GLIPR1L2: variants seen among roughly 807,000 people sequenced by gnomAD.
GLIPR1L2 encodes the protein GLIPR1 like 2.
In GLIPR1L2, 21 loss-of-function variants were observed where a neutral mutation model predicts 28.4. The ratio of observed to expected loss-of-function variants is 0.74; its 90% CI spans 0.52 to 1.06. The LOEUF (loss-of-function observed/expected upper bound fraction) is 1.06, where lower values mean the gene tolerates loss of function less well. Ranked by LOEUF, GLIPR1L2 falls within the 50% of genes least tolerant of loss-of-function variation. The pLI, the probability that GLIPR1L2 is intolerant of heterozygous loss-of-function variation, is 0.00. For missense variants in GLIPR1L2, 476 were observed against 416.9 expected (o/e 1.14, Z -1.23); for synonymous variants, 145 against 139.3 (o/e 1.04, Z -0.29).
chr12:75,396,672 C>G (rs912977772), intron 1 of GLIPR1L2, among the ~76,000 whole-genome samples: 1 of 152,182 alleles, frequency 6.6e-6, no homozygotes, highest in African/African-American at 2.4e-5. Context: ...CCAGCAACAA[C>G]AGAATCACCT....
At chr12:75,405,315 T>G (rs1003439900) in intron 1 of GLIPR1L2, among the ~76,000 whole-genome samples, 46 of 152,314 alleles carry the variant, frequency 3.0e-4, no homozygotes, top group African/African-American at 1.1e-3. Flanking sequence ...CTACTGTTAC[T>G]GCTTGAGACC....
At chr12:75,408,917 A>G (rs1465010987) in intron 1 of GLIPR1L2, among the ~76,000 whole-genome samples, 1 of 152,004 alleles carries the variant, frequency 6.6e-6, no homozygotes, top group African/African-American at 2.4e-5. Context: ...TGGTTACCTT[A>G]GGGGAAGGGA....
At chr12:75,420,693 C>A (rs1290168743) in intron 3 of GLIPR1L2, among the ~76,000 whole-genome samples, 2 of 152,130 alleles carry the variant, frequency 1.3e-5, no homozygotes, top group African/African-American at 4.8e-5. Context: ...CCTAATCTGG[C>A]CCAATAATTC....
intron 3 of GLIPR1L2, among the ~76,000 whole-genome samples, chr12:75,421,663 T>G (rs184464440): frequency 6.6e-6 from 1 of 152,348 alleles, no homozygotes; most frequent in Admixed American, 6.5e-5. Context: ...ATTTCCCAAT[T>G]TAAAAGTACT....
At chr12:75,393,439 T>G (rs1051410163) in intron 1 of GLIPR1L2, among the ~76,000 whole-genome samples, 1 of 152,080 alleles carries the variant, frequency 6.6e-6, no homozygotes, top group African/African-American at 2.4e-5. Flanking sequence ...CCATTCTACT[T>G]TCTATTCCTA....
At chr12:75,423,256 C>T in intron 4 of GLIPR1L2, 1 of 1,263,848 alleles carries the variant, frequency 7.9e-7, no homozygotes. Context: ...CAGTTATACC[C>T]TTAAAAAGCT....
chr12:75,412,621 A>G (rs1270071133), intron 2 of GLIPR1L2, among the ~76,000 whole-genome samples: 16 of 152,190 alleles, frequency 1.1e-4, no homozygotes, highest in Admixed American at 7.2e-4. Flanking sequence ...CCGTCAGAGA[A>G]ATGCAAATCA....
chr12:75,417,644 A>G (rs2045936124), intron 3 of GLIPR1L2, among the ~76,000 whole-genome samples: 1 of 152,164 alleles, frequency 6.6e-6, no homozygotes, highest in African/African-American at 2.4e-5. Flanking sequence ...TGGCATATAA[A>G]TCTACAAATT....
At chr12:75,402,412 A>G (rs1331975095) in intron 1 of GLIPR1L2, among the ~76,000 whole-genome samples, 1 of 152,236 alleles carries the variant, frequency 6.6e-6, no homozygotes, top group East Asian at 1.9e-4. Flanking sequence ...GAAATCTAGA[A>G]TAACAAATCT....
At chr12:75,401,126 A>G (rs2045736619) in intron 1 of GLIPR1L2, among the ~76,000 whole-genome samples, 2 of 151,874 alleles carry the variant, frequency 1.3e-5, no homozygotes, top group Non-Finnish European at 1.5e-5. Context: ...CTGTAATATA[A>G]GGAGGGAAAA....
intron 1 of GLIPR1L2, chr12:75,403,249 AT>A: frequency 2.6e-6 from 1 of 385,286 alleles, no homozygotes; most frequent in South Asian, 1.9e-5. Flanking sequence ...CTGAAGCTGG[AT>A]TACAGTTTTA....
chr12:75,412,269 C>G (rs930290962), intron 2 of GLIPR1L2, among the ~76,000 whole-genome samples: 2 of 151,960 alleles, frequency 1.3e-5, no homozygotes, highest in Non-Finnish European at 2.9e-5. Context: ...TCAGGCATGA[C>G]GTCCTTTGGC....
At chr12:75,423,063 T>C in intron 4 of GLIPR1L2, 74 bp downstream of exon 4, 1 of 1,602,870 alleles carries the variant, frequency 6.2e-7, no homozygotes, top group African/African-American at 1.3e-5. Flanking sequence ...TGAACACTAG[T>C]TTTTTATGGT....
intron 3 of GLIPR1L2, among the ~76,000 whole-genome samples, chr12:75,416,240 T>C (rs1309357052): frequency 1.3e-5 from 2 of 152,174 alleles, no homozygotes; most frequent in African/African-American, 2.4e-5. Context: ...ATATGTTTTC[T>C]ATTTGGGTAT....
chr12:75,404,758 A>G (rs1415292311), intron 1 of GLIPR1L2, among the ~76,000 whole-genome samples: 1 of 152,086 alleles, frequency 6.6e-6, no homozygotes, highest in Non-Finnish European at 1.5e-5. Context: ...TGCATGTGCC[A>G]TAAGAATAGT....
intron 1 of GLIPR1L2, among the ~76,000 whole-genome samples, chr12:75,400,499 C>T (rs987625878): frequency 3.9e-5 from 6 of 151,944 alleles, no homozygotes; most frequent in East Asian, 1.9e-4. Context: ...GTTTTGTATA[C>T]GAAAATTTAA....
At chr12:75,421,477 A>G (rs2045975412) in intron 3 of GLIPR1L2, among the ~76,000 whole-genome samples, 1 of 152,178 alleles carries the variant, frequency 6.6e-6, no homozygotes, top group Non-Finnish European at 1.5e-5. Context: ...CCATTCTTCT[A>G]GAAGGCCTAA....
chr12:75,400,534 T>C (rs1031862201), intron 1 of GLIPR1L2, among the ~76,000 whole-genome samples: 2 of 152,126 alleles, frequency 1.3e-5, no homozygotes, highest in Admixed American at 6.5e-5. Context: ...GAATAGAAAA[T>C]AGTGGACAGA....
intron 1 of GLIPR1L2, among the ~76,000 whole-genome samples, chr12:75,401,925 G>GA (rs1239984232): frequency 1.3e-5 from 2 of 152,038 alleles, no homozygotes; most frequent in Non-Finnish European, 2.9e-5. Context: ...CAAAGAATGA[G>GA]AGAATAGCTG....
Sources: allele counts gnomAD v4.1 joint callset (sites outside exome capture counted in the v4.1 genomes callset), GRCh38; gene constraint gnomAD v4.1.1; transcripts MANE v1.5; gene names NCBI Gene and HGNC (gene_info 2026-07-23, HGNC 2026-07-21).